TM4SF5: variants seen among roughly 807,000 people sequenced by gnomAD.
TM4SF5 encodes the protein transmembrane 4 L6 family member 5.
A neutral mutation model predicts 22.3 loss-of-function variants in TM4SF5; 16 were observed. The ratio of observed to expected loss-of-function variants is 0.72; its 90% CI spans 0.49 to 1.09. The LOEUF is 1.09. Among genes scored for constraint, TM4SF5 ranks in the 50% least tolerant of loss-of-function variants. The pLI is 0.00. For synonymous variants in TM4SF5, 113 were observed against 109.6 expected (o/e 1.03, Z -0.19); for missense variants, 249 against 266.1 (o/e 0.94, Z 0.45).
chr17:4,776,216 G>A (rs1163849296), intron 1 of TM4SF5, among the ~76,000 whole-genome samples: 1 of 152,048 alleles, frequency 6.6e-6, no homozygotes, highest in Non-Finnish European at 1.5e-5. Flanking sequence ...TGTAGCTGTA[G>A]TTTTCTTTTT....
chr17:4,780,884 A>G lies in TM4SF5; in HGVS notation c.258+15A>G, dbSNP rs1403657309. 6.2e-7 allele frequency: 1 copy of G among 1,610,678 alleles called. No homozygotes were observed. Among genetic ancestry groups the G allele is most frequent in the African/African-American group, 1.3e-5 (1 of 74,824 alleles). ...ACCGCTGCAGGGTAAGATCCAGATTAAGAAGGAATTCAGGGCTGGGGGTGG... is the reference window on the plus strand; with the variant it reads ...ACCGCTGCAGGGTAAGATCCAGATTGAGAAGGAATTCAGGGCTGGGGGTGG... On this transcript the variant is annotated intron_variant, in intron 2 of 4. Transcript: ENST00000270560.
intron 1 of TM4SF5, among the ~76,000 whole-genome samples, chr17:4,773,958 G>A (rs1917164352): frequency 6.6e-6 from 1 of 152,218 alleles, no homozygotes; most frequent in African/African-American, 2.4e-5. Context: ...GCTTACGCCT[G>A]TAATCCCAAC....
rs1447395438 is a variant in TM4SF5 at position 4,782,886 on chromosome 17, A to T, written c.428A>T (p.Asp143Val). The T allele has an allele frequency of 6.2e-7, 1 of 1,613,932 alleles. No individual in the cohort carries two copies. Among genetic ancestry groups the T allele is most frequent in the Admixed American group, 1.7e-5 (1 of 60,020 alleles). The change falls in exon 4 of 5, where the codon GAT becomes GTT. Residue 143 changes from aspartate to valine, a missense_variant. By Grantham distance (152) the Asp-to-Val change is radical. Transcript: ENST00000270560. ...GAYLLNRTLW[D>V]RCEAPPRVVP... Reference sequence around the variant, plus strand: ...TACTTGCTCAACCGCACTCTATGGGATCGGTGCGAGGCGCCCCCTCGCGTG... The same window carrying T: ...TACTTGCTCAACCGCACTCTATGGGTTCGGTGCGAGGCGCCCCCTCGCGTG...
chr17:4,774,095 C>T (rs934667436), intron 1 of TM4SF5, among the ~76,000 whole-genome samples: 2 of 152,148 alleles, frequency 1.3e-5, no homozygotes, highest in Non-Finnish European at 2.9e-5. Flanking sequence ...GTGGCGGGCG[C>T]CTGTAATCCC....
At chr17:4,775,170 G>C (rs777039048) in intron 1 of TM4SF5, among the ~76,000 whole-genome samples, 1 of 152,102 alleles carries the variant, frequency 6.6e-6, no homozygotes, top group African/African-American at 2.4e-5. Flanking sequence ...GGTCTGAGGA[G>C]GGCAGAGGCT....
Position 4,782,495 on chromosome 17 carries a change from A to T in TM4SF5, c.259-8A>T. 6.2e-7 allele frequency: 1 copy of T among 1,613,380 alleles called. No individual in the cohort carries two copies. The highest frequency in any genetic ancestry group is 8.5e-7 in the Non-Finnish European group (1 of 1,179,870). On this transcript the variant is annotated splice_region_variant and splice_polypyrimidine_tract_variant and intron_variant, in intron 2 of 4. Transcript: ENST00000270560. The stretch of plus-strand genomic sequence containing the variant: ...TGGGCCTTACCTCCCCTTCCACACC[A>T]CATCCAGATGCTGCGCTCGGTCTTC...
chr17:4,782,492 A>G lies in TM4SF5; in HGVS notation c.259-11A>G. 1 of 1,612,954 alleles carries G rather than the reference A, an allele frequency of 6.2e-7. No homozygotes were observed. The highest frequency in any genetic ancestry group is 8.5e-7 in the Non-Finnish European group (1 of 1,179,836). ...GATTGGGCCTTACCTCCCCTTCCACACCACATCCAGATGCTGCGCTCGGTC... is the reference window on the plus strand; with the variant it reads ...GATTGGGCCTTACCTCCCCTTCCACGCCACATCCAGATGCTGCGCTCGGTC... On this transcript the variant is annotated splice_polypyrimidine_tract_variant and intron_variant, in intron 2 of 4. Coordinates refer to ENST00000270560, the MANE Select transcript of TM4SF5 (RefSeq NM_003963.3).
intron 3 of TM4SF5, 104 bp downstream of exon 3, chr17:4,782,743 C>T: frequency 6.4e-7 from 1 of 1,573,564 alleles, no homozygotes; most frequent in Non-Finnish European, 8.6e-7. Flanking sequence ...CGAGGGCACT[C>T]GCTCCACGTG....
intron 1 of TM4SF5, 64 bp downstream of exon 1, chr17:4,772,163 GGAGGGA>G: frequency 6.3e-7 from 1 of 1,578,176 alleles, no homozygotes. Flanking sequence ...GTTCTGAACA[GGAGGGA>G]GAGGGAGAGA....
chr17:4,780,053 C>CTTTT (rs1189580424), intron 1 of TM4SF5, among the ~76,000 whole-genome samples: 4 of 127,484 alleles, frequency 3.1e-5, no homozygotes, highest in Admixed American at 8.1e-5. Context: ...CTGAGCTGGT[C>CTTTT]TTTTTTTTTT....
intron 1 of TM4SF5, among the ~76,000 whole-genome samples, chr17:4,773,622 A>G (rs530373848): frequency 1.4e-4 from 21 of 152,118 alleles, no homozygotes; most frequent in African/African-American, 4.8e-4. Context: ...TTTAACCAAC[A>G]ATCCCCTCTT....
chr17:4,783,193 T>A lies in TM4SF5; in HGVS notation c.*65T>A. Reference sequence around the variant, plus strand: ...ACGCTCACTCCCTTGCTCGCTAGAATAAACTGCTTTGCGCTCTCTTCTCTG... The same window carrying A: ...ACGCTCACTCCCTTGCTCGCTAGAAAAAACTGCTTTGCGCTCTCTTCTCTG... On this transcript the variant is annotated 3_prime_UTR_variant, in exon 5 of 5. Transcript: ENST00000270560. 1 of 1,606,942 alleles carries A rather than the reference T, an allele frequency of 6.2e-7. No individual in the cohort carries two copies. Among genetic ancestry groups the A allele is most frequent in the Non-Finnish European group, 8.5e-7 (1 of 1,175,052 alleles).
At chr17:4,774,021 G>A (rs1026713114) in intron 1 of TM4SF5, among the ~76,000 whole-genome samples, 51 of 152,194 alleles carry the variant, frequency 3.4e-4, no homozygotes, top group African/African-American at 1.1e-3. Flanking sequence ...TTCAAGACCA[G>A]CCTGGCCAAC....
At chr17:4,782,445 C>T (rs1311955268) in intron 2 of TM4SF5, 58 bp from the exon 3 acceptor site, 4 of 1,599,388 alleles carry the variant, frequency 2.5e-6, no homozygotes, top group Non-Finnish European at 2.6e-6. Flanking sequence ...TGGCGCTGAG[C>T]GTCGTCACCC....
At chr17:4,772,340 A>G (rs1393253730) in intron 1 of TM4SF5, among the ~76,000 whole-genome samples, 1 of 152,126 alleles carries the variant, frequency 6.6e-6, no homozygotes, top group Non-Finnish European at 1.5e-5. Flanking sequence ...CCTACCGGGT[A>G]GGGAGCATGT....
chr17:4,778,893 T>C (rs1917250996), intron 1 of TM4SF5, among the ~76,000 whole-genome samples: 1 of 151,508 alleles, frequency 6.6e-6, no homozygotes, highest in African/African-American at 2.4e-5. Flanking sequence ...CCGTCTCTAC[T>C]AAAAATACAA....
At chr17:4,781,159 A>G (rs1030717796) in intron 2 of TM4SF5, among the ~76,000 whole-genome samples, 1 of 150,584 alleles carries the variant, frequency 6.6e-6, no homozygotes, top group African/African-American at 2.4e-5. Context: ...AAAAAAAAAA[A>G]AGAAGAGAAA....
intron 1 of TM4SF5, 118 bp downstream of exon 1, chr17:4,772,217 C>A: frequency 1.6e-6 from 2 of 1,284,740 alleles, no homozygotes; most frequent in South Asian, 1.4e-5. Context: ...ATGGCAATGG[C>A]TTCGTGGGGG....
At position 4,782,929 on chromosome 17, in the gene TM4SF5, G is replaced by A; in HGVS notation, c.471G>A (p.Thr157=). Residue 157 remains threonine (T), a synonymous_variant, in exon 4 of 5, where the codon ACG becomes ACA. Coordinates refer to ENST00000270560, the MANE Select transcript of TM4SF5 (RefSeq NM_003963.3). ...APPRVVPWNV[T]LFSLLVAASC... ...CTCGCGTGGTCCCCTGGAATGTGAC[G>A]CTCTTCTCGCTGCTGGTGGCCGCCT... 1 of 1,614,252 alleles carries A rather than the reference G, an allele frequency of 6.2e-7. No homozygotes were observed. Among genetic ancestry groups the A allele is most frequent in the Non-Finnish European group, 8.5e-7 (1 of 1,180,052 alleles).
Sources: allele counts gnomAD v4.1 joint callset (sites outside exome capture counted in the v4.1 genomes callset), GRCh38; gene constraint gnomAD v4.1.1; transcripts MANE v1.5; gene names NCBI Gene and HGNC (gene_info 2026-07-23, HGNC 2026-07-21).